The following PLXNA2 variants were observed in gnomAD, a reference collection of about 807,000 sequenced individuals.
PLXNA2 encodes the protein plexin-A2.
Under a neutral mutation model 193.5 loss-of-function variants are expected in PLXNA2, and 91 were observed. The ratio of observed to expected loss-of-function variants is 0.47; its 90% CI spans 0.40 to 0.56. The LOEUF is 0.56. PLXNA2 is among the 20% of genes least tolerant of loss of function. The probability of loss-of-function intolerance (pLI) is 0.00; values close to 1 mark genes in which losing one functional copy is unlikely to be tolerated. For synonymous variants in PLXNA2, 997 were observed against 1,027.3 expected (o/e 0.97, Z 0.56); for missense variants, 1,995 against 2,503.2 (o/e 0.80, Z 4.33).
At chr1:208,243,266 G>A (rs1672120903) in intron 1 of PLXNA2, among the ~76,000 whole-genome samples, 1 of 152,164 alleles carries the variant, frequency 6.6e-6, no homozygotes, top group African/African-American at 2.4e-5. Flanking sequence ...CCCTCTTTGG[G>A]CTCCAGCTCT....
intron 3 of PLXNA2, among the ~76,000 whole-genome samples, chr1:208,146,025 G>T (rs964106345): frequency 6.6e-6 from 1 of 152,150 alleles, no homozygotes; most frequent in African/African-American, 2.4e-5. Context: ...ACGTATAGGG[G>T]GTCAGAGAAG....
At chr1:208,240,793 C>G (rs1672026130) in intron 1 of PLXNA2, among the ~76,000 whole-genome samples, 1 of 151,582 alleles carries the variant, frequency 6.6e-6, no homozygotes, top group African/African-American at 2.4e-5. Flanking sequence ...GCTAGGCGCT[C>G]CTTGCCTCTC....
chr1:208,076,285 C>T (rs1477237347), intron 12 of PLXNA2, among the ~76,000 whole-genome samples: 1 of 152,046 alleles, frequency 6.6e-6, no homozygotes, highest in Non-Finnish European at 1.5e-5. Flanking sequence ...TGCTATGTTG[C>T]CCAGGCTGTT....
chr1:208,120,061 C>T (rs532004363), intron 4 of PLXNA2, among the ~76,000 whole-genome samples: 24 of 152,312 alleles, frequency 1.6e-4, no homozygotes, highest in Middle Eastern at 6.8e-3. Flanking sequence ...GCTCCTAGCT[C>T]TAAGCACAGG....
intron 26 of PLXNA2, among the ~76,000 whole-genome samples, chr1:208,037,367 C>A (rs533971883): frequency 6.6e-6 from 1 of 152,224 alleles, no homozygotes; most frequent in Non-Finnish European, 1.5e-5. Flanking sequence ...ACCCCTGTGC[C>A]ACAGCTTCCT....
intron 22 of PLXNA2, among the ~76,000 whole-genome samples, chr1:208,040,567 G>C (rs754230832): frequency 6.6e-6 from 1 of 152,194 alleles, no homozygotes; most frequent in Non-Finnish European, 1.5e-5. Flanking sequence ...TCTGCCATAC[G>C]TTGGCTGTGT....
At chr1:208,141,769 G>GAAT (rs1304643232) in intron 4 of PLXNA2, among the ~76,000 whole-genome samples, 1 of 152,192 alleles carries the variant, frequency 6.6e-6, no homozygotes, top group Non-Finnish European at 1.5e-5. Flanking sequence ...CCAGAGGGTG[G>GAAT]AAGACTTGCT....
chr1:208,079,306 T>C lies in PLXNA2; in HGVS notation c.2540A>G (p.Asp847Gly), dbSNP rs1666254069. The C allele has an allele frequency of 6.2e-7, 1 of 1,612,958 alleles. No individual in the cohort carries two copies. Among genetic ancestry groups the C allele is most frequent in the East Asian group, 2.2e-5 (1 of 44,830 alleles). Residue 847 changes from aspartate to glycine, a missense_variant, in exon 12 of 32, where the codon GAC (aspartate) becomes GGC (glycine). By Grantham distance (94) the Asp-to-Gly change is moderately conservative (BLOSUM62 -1). Around this residue, in one of 3 missense-constraint regions of PLXNA2, gnomAD observed 1,291 missense variants for 1,673.6 expected, o/e 0.77. Coordinates refer to ENST00000367033, the MANE Select transcript of PLXNA2 (RefSeq NM_025179.4). ...HCTSPSSPWL[D>G]WSSHNVKCSN... ...GCACTTGACATTGTGGCTGGACCAG[T>C]CGAGCCAGGGGCTGGAAGGGCTGGT...
intron 3 of PLXNA2, among the ~76,000 whole-genome samples, chr1:208,157,360 C>T (rs1212682723): frequency 6.6e-6 from 1 of 152,128 alleles, no homozygotes; most frequent in Non-Finnish European, 1.5e-5. Flanking sequence ...ATCTTAATTC[C>T]TTCTTTGGAA....
At chr1:208,230,096 G>C (rs957947249) in intron 1 of PLXNA2, 5 of 152,210 alleles carry the variant, frequency 3.3e-5, no homozygotes, top group African/African-American at 1.2e-4. Flanking sequence ...AAATTGTTTT[G>C]TAAACTCTAG....
chr1:208,066,665 T>TA (rs35157125), intron 12 of PLXNA2, among the ~76,000 whole-genome samples: 72,319 of 151,896 alleles, frequency 0.48, 17,970 homozygotes, highest in Non-Finnish European at 0.55. Context: ...TCTACTTATT[T>TA]AAAAAAAGCT....
intron 3 of PLXNA2, among the ~76,000 whole-genome samples, chr1:208,187,022 G>C (rs894981958): frequency 6.6e-6 from 1 of 152,154 alleles, no homozygotes; most frequent in Non-Finnish European, 1.5e-5. Context: ...CGCCCGGCCT[G>C]CAATGTTATT....
intron 1 of PLXNA2, among the ~76,000 whole-genome samples, chr1:208,237,569 AGGGGAAAACTG>A (rs1671906210): frequency 6.6e-6 from 1 of 152,310 alleles, no homozygotes; most frequent in Non-Finnish European, 1.5e-5. Flanking sequence ...GAGAAGAACG[AGGGGAAAACTG>A]GGTAGGTACG....
intron 3 of PLXNA2, among the ~76,000 whole-genome samples, chr1:208,184,886 A>T (rs1377158994): frequency 6.6e-6 from 1 of 152,196 alleles, no homozygotes; most frequent in Non-Finnish European, 1.5e-5. Flanking sequence ...TAAATAGGCA[A>T]GCCTCCCAGT....
At chr1:208,068,664 C>T (rs1020379904) in intron 12 of PLXNA2, among the ~76,000 whole-genome samples, 15 of 152,190 alleles carry the variant, frequency 9.9e-5, no homozygotes, top group African/African-American at 3.6e-4. Context: ...GGAGGGCCTG[C>T]GAAGATGACT....
At chr1:208,214,489 C>A (rs1026046280) in intron 2 of PLXNA2, among the ~76,000 whole-genome samples, 6 of 152,226 alleles carry the variant, frequency 3.9e-5, no homozygotes, top group African/African-American at 1.4e-4. Context: ...CCACACCAAG[C>A]AAATGATGAC....
At chr1:208,052,253 A>G in intron 15 of PLXNA2, 74 bp downstream of exon 15, 1 of 1,476,666 alleles carries the variant, frequency 6.8e-7, no homozygotes, top group Non-Finnish European at 9.3e-7. Flanking sequence ...CTATGAATGA[A>G]CATGCACAGT....
intron 4 of PLXNA2, among the ~76,000 whole-genome samples, chr1:208,134,325 A>G (rs1668242005): frequency 6.6e-6 from 1 of 152,162 alleles, no homozygotes; most frequent in Admixed American, 6.5e-5. Flanking sequence ...GGGGAAAGAA[A>G]GAGGAAAAAA....
chr1:208,137,681 C>A (rs1167949715), intron 4 of PLXNA2, among the ~76,000 whole-genome samples: 1 of 152,152 alleles, frequency 6.6e-6, no homozygotes, highest in Non-Finnish European at 1.5e-5. Context: ...CTGGGACTGG[C>A]CGGTCTTAGA....
Sources: gnomAD v4.1 joint callset for allele counts (sites outside exome capture counted in the v4.1 genomes callset) on GRCh38, gnomAD v4.1.1 for gene constraint, gnomAD v4.1.1 regional missense constraint, MANE v1.5 for transcripts, NCBI Gene and HGNC (gene_info 2026-07-23, HGNC 2026-07-21) for gene names.